The following TSPAN13 variants were observed in gnomAD, a reference collection of about 807,000 sequenced individuals.
The protein encoded by TSPAN13 is tetraspanin-13.
In TSPAN13, 18 loss-of-function variants were observed where a neutral mutation model predicts 26.9. The observed-to-expected ratio is 0.67, with a 90% CI of 0.46 to 0.99. The LOEUF (loss-of-function observed/expected upper bound fraction) is 0.99. TSPAN13 is among the 50% of genes least tolerant of loss of function. The pLI, the probability that TSPAN13 is intolerant of heterozygous loss-of-function variation, is 0.00. For missense variants in TSPAN13, 201 were observed against 249.6 expected, an observed-to-expected ratio of 0.81 and a Z score of 1.31; for synonymous variants, 116 against 98.4, an observed-to-expected ratio of 1.18 and a Z score of -1.06.
At chr7:16,772,090 A>G (rs1188594029) in intron 1 of TSPAN13, among the ~76,000 whole-genome samples, 1 of 152,176 alleles carries the variant, frequency 6.6e-6, no homozygotes, top group Non-Finnish European at 1.5e-5. Flanking sequence ...ATAGATTCTC[A>G]TTATTAATGA....
intron 1 of TSPAN13, among the ~76,000 whole-genome samples, chr7:16,760,352 AGT>A (rs1784529453): frequency 6.6e-6 from 1 of 152,132 alleles, no homozygotes; most frequent in East Asian, 1.9e-4. Context: ...AGATTCTGAG[AGT>A]GTTTTGGAGG....
intron 1 of TSPAN13, among the ~76,000 whole-genome samples, chr7:16,774,981 C>T (rs537953866): frequency 4.6e-5 from 7 of 152,054 alleles, no homozygotes; most frequent in African/African-American, 7.2e-5. Flanking sequence ...GTATTACATA[C>T]GAAAATTTAC....
chr7:16,753,803 GCC>G lies in TSPAN13; in HGVS notation c.-164_-163del, dbSNP rs1784448814. The G allele has an allele frequency of 1.7e-6, 1 of 596,846 alleles. No individual in the cohort carries two copies. Among genetic ancestry groups the G allele is most frequent in the African/African-American group, 2.1e-5 (1 of 47,078 alleles). The allele number at this position is 596,846 out of a possible 1,614,324, so 37.0% of individuals were successfully genotyped here. On this transcript the variant is annotated 5_prime_UTR_variant, in exon 1 of 6. Transcript: ENST00000262067. Reference sequence around the variant, plus strand: ...GGTTCCAAAGCGGGTCCGAGCCGCCGCCGCGCGCGCGCCGCGCACTGCAGCCC... The same window carrying G: ...GGTTCCAAAGCGGGTCCGAGCCGCCGGCGCGCGCGCCGCGCACTGCAGCCC...
At chr7:16,764,541 A>T (rs185421058) in intron 1 of TSPAN13, among the ~76,000 whole-genome samples, 1 of 152,022 alleles carries the variant, frequency 6.6e-6, no homozygotes, top group Admixed American at 6.6e-5. Flanking sequence ...AAATTTCTGA[A>T]TTAGATAAAA....
intron 1 of TSPAN13, among the ~76,000 whole-genome samples, chr7:16,770,891 T>C (rs1043577047): frequency 1.3e-5 from 2 of 152,246 alleles, no homozygotes; most frequent in Non-Finnish European, 2.9e-5. Flanking sequence ...AGGCTCTTGT[T>C]TGATAGGCTC....
In TSPAN13 at chr7:16,778,148, C is replaced by G. The variant is rs17136562; in HGVS notation, c.426+237C>G. Among the ~76,000 whole-genome samples, 1,067 of 152,272 alleles carry G rather than the reference C, an allele frequency of 7.0e-3. 14 individuals are homozygous for G. The highest frequency in any genetic ancestry group is 0.035 in the Admixed American group (535 of 15,292). The stretch of plus-strand genomic sequence containing the variant: ...CACAGATGCTAATGGTTTATTGTCC[C>G]TAATTTCTTCCCATCCTTCTCTTCC... On this transcript the variant is annotated intron_variant, in intron 4 of 5. Coordinates refer to ENST00000262067, the MANE Select transcript of TSPAN13 (RefSeq NM_014399.4).
chr7:16,765,775 G>GAAA (rs1784597758), intron 1 of TSPAN13, among the ~76,000 whole-genome samples: 1 of 152,176 alleles, frequency 6.6e-6, no homozygotes, highest in Admixed American at 6.5e-5. Flanking sequence ...ACTGTCATAG[G>GAAA]TGTACATTTA....
intron 1 of TSPAN13, among the ~76,000 whole-genome samples, chr7:16,760,569 A>G (rs1784531884): frequency 6.6e-6 from 1 of 152,210 alleles, no homozygotes; most frequent in Admixed American, 6.5e-5. Flanking sequence ...CACTTACAGT[A>G]ACCACACTGT....
chr7:16,768,497 T>A (rs1784634861), intron 1 of TSPAN13, among the ~76,000 whole-genome samples: 1 of 152,208 alleles, frequency 6.6e-6, no homozygotes, highest in Non-Finnish European at 1.5e-5. Context: ...CCTCTTAGGG[T>A]TTTTGTGAAG....
Position 16,753,774 on chromosome 7 carries a change from C to A in TSPAN13, c.-194C>A. ...CCTGCTCCGGCTCAGCTGCGGCGGCCGCAGGTTCCAAAGCGGGTCCGAGCC... is the reference window on the plus strand; with the variant it reads ...CCTGCTCCGGCTCAGCTGCGGCGGCAGCAGGTTCCAAAGCGGGTCCGAGCC... On this transcript the variant is annotated 5_prime_UTR_variant, in exon 1 of 6. Coordinates refer to ENST00000262067, the MANE Select transcript of TSPAN13 (RefSeq NM_014399.4). 2.2e-6 allele frequency: 1 copy of A among 463,104 alleles called. No homozygotes were observed. The allele number at this position is 463,104 out of a possible 1,614,324, so 28.7% of individuals were successfully genotyped here.
chr7:16,762,176 A>T (rs954984974), intron 1 of TSPAN13, among the ~76,000 whole-genome samples: 2 of 152,216 alleles, frequency 1.3e-5, no homozygotes, highest in African/African-American at 4.8e-5. Flanking sequence ...GTAGACAGAG[A>T]ATAATATGGA....
intron 1 of TSPAN13, among the ~76,000 whole-genome samples, chr7:16,761,466 G>A (rs970209902): frequency 6.6e-6 from 1 of 152,106 alleles, no homozygotes; most frequent in Admixed American, 6.5e-5. Flanking sequence ...CAGTGTTCAC[G>A]TGTAATTCCT....
chr7:16,757,691 TTC>T (rs1491460364), intron 1 of TSPAN13, among the ~76,000 whole-genome samples: 2 of 152,208 alleles, frequency 1.3e-5, no homozygotes, highest in Non-Finnish European at 2.9e-5. Context: ...GTTTGTTTCT[TTC>T]TCTTTTTCGT....
chr7:16,783,575 A>G lies in TSPAN13; in HGVS notation c.*84A>G, dbSNP rs1237188310. 1 of 1,299,504 alleles carries G rather than the reference A, an allele frequency of 7.7e-7. No individual in the cohort carries two copies. The highest frequency in any genetic ancestry group is 1.1e-6 in the Non-Finnish European group (1 of 897,592). The allele number at this position is 1,299,504 out of a possible 1,614,324, so 80.5% of individuals were successfully genotyped here. On this transcript the variant is annotated 3_prime_UTR_variant, in exon 6 of 6. Transcript: ENST00000262067. ...CTGTTAAGCTCCATTTGCCAGTTTA[A>G]GGAAGGAAACACTATCTGGAAAAGT...
At chr7:16,759,677 C>CT (rs143679619) in intron 1 of TSPAN13, among the ~76,000 whole-genome samples, 2,734 of 148,988 alleles carry the variant, frequency 0.018, 82 homozygotes, top group African/African-American at 0.063. Flanking sequence ...AGTATTTCTG[C>CT]TTTTTTTTCT....
In TSPAN13 at chr7:16,753,814, G is replaced by C; in HGVS notation, c.-154G>C. The C allele has an allele frequency of 1.5e-6, 1 of 670,490 alleles. No homozygotes were observed. The highest frequency in any genetic ancestry group is 2.4e-6 in the Non-Finnish European group (1 of 421,808). 41.5% of individuals were successfully genotyped at this position (670,490 alleles called of 1,614,324 possible). ...GGGTCCGAGCCGCCGCCGCGCGCGCGCCGCGCACTGCAGCCCCAGGCCCCG... is the reference window on the plus strand; with the variant it reads ...GGGTCCGAGCCGCCGCCGCGCGCGCCCCGCGCACTGCAGCCCCAGGCCCCG... On this transcript the variant is annotated 5_prime_UTR_variant, in exon 1 of 6. Transcript: ENST00000262067.
rs115033007 is a variant in TSPAN13, at chr7:16,754,895, C to A, written c.63+865C>A. Among the ~76,000 whole-genome samples the A allele has an allele frequency of 8.9e-3, 1,349 of 152,276 alleles. 25 individuals carry two copies. Among genetic ancestry groups the A allele is most frequent in the African/African-American group, 0.03 (1,263 of 41,532 alleles). On this transcript the variant is annotated intron_variant, in intron 1 of 5. Coordinates refer to ENST00000262067, the MANE Select transcript of TSPAN13 (RefSeq NM_014399.4). ...AGGTTTTACATACACAATGCTCGTT[C>A]ATCATTCTGACAACCTTCTGAGGGA...
At chr7:16,761,401 CT>C (rs1784539515) in intron 1 of TSPAN13, among the ~76,000 whole-genome samples, 1 of 152,206 alleles carries the variant, frequency 6.6e-6, no homozygotes, top group African/African-American at 2.4e-5. Flanking sequence ...TGTGCTTGAT[CT>C]TTTCTGAATT....
At chr7:16,783,275 A>G (rs1029767865) in intron 5 of TSPAN13, 142 bp from the exon 6 acceptor site, 20 of 812,462 alleles carry the variant, frequency 2.5e-5, no homozygotes, top group African/African-American at 3.5e-5. Flanking sequence ...ACTTCATTTC[A>G]AAAAGAAAAA....
Sources: allele counts gnomAD v4.1 joint callset (sites outside exome capture counted in the v4.1 genomes callset), GRCh38; gene constraint gnomAD v4.1.1; transcripts MANE v1.5; gene names NCBI Gene and HGNC (gene_info 2026-07-23, HGNC 2026-07-21).